AQR: variants seen among roughly 807,000 people sequenced by gnomAD.
The protein encoded by AQR is aquarius intron-binding spliceosomal factor.
Under a neutral mutation model 180.5 loss-of-function variants are expected in AQR, and 61 were observed. That is an observed-to-expected ratio of 0.34 (90% CI 0.28 to 0.42). The LOEUF (loss-of-function observed/expected upper bound fraction) is 0.42, where lower values mean the gene tolerates loss of function less well. AQR is among the 10% of genes least tolerant of loss of function. AQR has a pLI of 1.00. For missense variants in AQR, 1,281 were observed against 1,798.3 expected (o/e 0.71, Z 5.20); for synonymous variants, 551 against 588.8 (o/e 0.94, Z 0.93).
chr15:34,904,608 G>A, intron 18 of AQR, 103 bp from the exon 19 acceptor site: 1 of 1,100,672 alleles, frequency 9.1e-7, no homozygotes, highest in Admixed American at 3.0e-5. Flanking sequence ...AATGGTTCAG[G>A]CTTAACTCCA....
At chr15:34,885,096 G>T (rs1437639351) in intron 25 of AQR, among the ~76,000 whole-genome samples, 1 of 152,154 alleles carries the variant, frequency 6.6e-6, no homozygotes, top group Non-Finnish European at 1.5e-5. Flanking sequence ...TCTGGACAAA[G>T]AAATTGCTCA....
At chr15:34,917,059 T>C (rs1893605595) in intron 15 of AQR, among the ~76,000 whole-genome samples, 1 of 152,204 alleles carries the variant, frequency 6.6e-6, no homozygotes, top group Admixed American at 6.5e-5. Flanking sequence ...AACTATTTTC[T>C]GACTTTTATA....
At chr15:34,880,650 A>C (rs1892959997) in intron 27 of AQR, among the ~76,000 whole-genome samples, 1 of 152,200 alleles carries the variant, frequency 6.6e-6, no homozygotes, top group African/African-American at 2.4e-5. Flanking sequence ...GTTAATAATG[A>C]TGTAAACACC....
intron 5 of AQR, among the ~76,000 whole-genome samples, chr15:34,946,776 G>A (rs548993908): frequency 0.012 from 1,805 of 146,924 alleles, 40 homozygotes; most frequent in African/African-American, 0.043. Flanking sequence ...TCAGCCCCCC[G>A]CCCGGCCAGC....
intron 1 of AQR, among the ~76,000 whole-genome samples, chr15:34,965,089 C>T (rs919110351): frequency 6.6e-6 from 1 of 152,186 alleles, no homozygotes; most frequent in East Asian, 1.9e-4. Context: ...TGAAATGTTA[C>T]TTCTGTGAGG....
In AQR at chr15:34,934,555, A is replaced by G. The variant is rs774430312; in HGVS notation, c.783+16T>C. ...CTAATGATTATATAACAAAAAAGTC[A>G]CGGTAGATTTCTTACCTCTAGATCA... On this transcript the variant is annotated intron_variant, in intron 10 of 34. Coordinates refer to ENST00000156471, the MANE Select transcript of AQR (RefSeq NM_014691.3). 1.9e-6 allele frequency: 3 copies of G among 1,568,874 alleles called. No individual in the cohort carries two copies. The highest frequency in any genetic ancestry group is 2.6e-6 in the Non-Finnish European group (3 of 1,161,456).
At chr15:34,952,498 T>C (rs1216586540) in intron 4 of AQR, among the ~76,000 whole-genome samples, 1 of 152,380 alleles carries the variant, frequency 6.6e-6, no homozygotes, top group East Asian at 1.9e-4. Flanking sequence ...ATCTTTTGTC[T>C]GAAATATTTA....
chr15:34,889,604 C>T (rs901781738), intron 24 of AQR, among the ~76,000 whole-genome samples: 82 of 152,226 alleles, frequency 5.4e-4, no homozygotes, highest in African/African-American at 1.8e-3. Context: ...AAAGTCCAGC[C>T]AAACTGGCAA....
intron 26 of AQR, 54 bp downstream of exon 26, chr15:34,884,466 AAAACT>A (rs1893025431): frequency 2.2e-6 from 3 of 1,377,934 alleles, no homozygotes; most frequent in Admixed American, 2.4e-5. Context: ...ACTTCAAAAA[AAAACT>A]AAACTAAATT....
intron 22 of AQR, among the ~76,000 whole-genome samples, chr15:34,894,553 G>T (rs992784024): frequency 1.3e-5 from 2 of 151,880 alleles, no homozygotes; most frequent in Admixed American, 1.3e-4. Flanking sequence ...GAGGAAACTT[G>T]GAATATCTGG....
rs978342171 is a variant in AQR at position 34,941,956 on chromosome 15, C to A, written c.540+56G>T. On this transcript the variant is annotated intron_variant, in intron 7 of 34. Transcript: ENST00000156471. ...TCCAGATTAAGGCTATAGACTAAAACCACACGTTCTACTTATAACACATAC... is the reference window on the plus strand; with the variant it reads ...TCCAGATTAAGGCTATAGACTAAAAACACACGTTCTACTTATAACACATAC... 4.8e-5 allele frequency: 66 copies of A among 1,385,252 alleles called. 1 individual carries two copies. In the African/African-American group the frequency reaches 8.0e-4, roughly 17 times the overall value. The allele number at this position is 1,385,252 out of a possible 1,614,324, so 85.8% of individuals were successfully genotyped here.
At chr15:34,909,981 G>GA (rs1407785557) in intron 17 of AQR, among the ~76,000 whole-genome samples, 154 bp downstream of exon 17, 1 of 152,040 alleles carries the variant, frequency 6.6e-6, no homozygotes. Flanking sequence ...CTAATAATTA[G>GA]AAAAAAAGTT....
At chr15:34,876,910 T>G (rs1892896112) in intron 27 of AQR, among the ~76,000 whole-genome samples, 1 of 152,210 alleles carries the variant, frequency 6.6e-6, no homozygotes, top group African/African-American at 2.4e-5. Flanking sequence ...ATCCTTAAAA[T>G]ATCAGCTTAA....
At chr15:34,865,086 T>C (rs1892722875) in intron 32 of AQR, among the ~76,000 whole-genome samples, 1 of 151,618 alleles carries the variant, frequency 6.6e-6, no homozygotes, top group African/African-American at 2.4e-5. Flanking sequence ...GTAGGCAGAG[T>C]TCCTTGGAGT....
chr15:34,853,887 G>A lies in AQR; in HGVS notation c.*2905C>T. 1 of 152,060 alleles carries A rather than the reference G, an allele frequency of 6.6e-6. No individual in the cohort carries two copies. Among genetic ancestry groups the A allele is most frequent in the East Asian group, 1.9e-4 (1 of 5,188 alleles). 9.4% of individuals were successfully genotyped at this position (152,060 alleles called of 1,614,324 possible). On this transcript the variant is annotated 3_prime_UTR_variant, in exon 35 of 35. Coordinates refer to ENST00000156471, the MANE Select transcript of AQR (RefSeq NM_014691.3). The stretch of plus-strand genomic sequence containing the variant: ...TAACCAAATGCTGATAAGCAAATTA[G>A]GTACAACTCTGAGCCAGGTCTCGAT...
intron 23 of AQR, 73 bp downstream of exon 23, chr15:34,893,590 T>C: frequency 7.6e-7 from 1 of 1,317,056 alleles, no homozygotes; most frequent in Non-Finnish European, 1.1e-6. Context: ...TGCATACCCA[T>C]GTGCATGCGC....
chr15:34,932,007 G>T (rs938937105), intron 11 of AQR, among the ~76,000 whole-genome samples: 7 of 152,048 alleles, frequency 4.6e-5, no homozygotes, highest in African/African-American at 1.7e-4. Context: ...TCATACTATT[G>T]GGGCACAGTT....
intron 2 of AQR, among the ~76,000 whole-genome samples, chr15:34,962,688 G>C (rs149087962): frequency 0.013 from 2,014 of 151,756 alleles, 47 homozygotes; most frequent in African/African-American, 0.046. Context: ...AGAATCGCTT[G>C]AACCCAGGAG....
intron 6 of AQR, among the ~76,000 whole-genome samples, 166 bp from the exon 7 acceptor site, chr15:34,942,246 C>A (rs1460061798): frequency 6.6e-6 from 1 of 151,934 alleles, no homozygotes; most frequent in East Asian, 1.9e-4. Flanking sequence ...AAAAAAGACT[C>A]CATCCTTATT....
Sources: allele counts gnomAD v4.1 joint callset (sites outside exome capture counted in the v4.1 genomes callset), GRCh38; gene constraint gnomAD v4.1.1; transcripts MANE v1.5; gene names NCBI Gene and HGNC (gene_info 2026-07-23, HGNC 2026-07-21).